Variants in RASA2 observed in about 807,000 individuals in gnomAD.
RASA2 encodes RAS p21 protein activator 2, also known as ras GTPase-activating protein 2.
In RASA2, 155 loss-of-function variants were observed where a neutral mutation model predicts 118.2. The observed-to-expected ratio is 1.31, with a 90% CI of 1.15 to 1.50. The LOEUF (loss-of-function observed/expected upper bound fraction) is 1.50. RASA2 is among the 40% of genes most tolerant of loss of function. RASA2 has a pLI of 0.00. For synonymous variants in RASA2, 353 were observed against 349.1 expected, an observed-to-expected ratio of 1.01 and a Z score of -0.12; for missense variants, 1,016 against 1,009.6, an observed-to-expected ratio of 1.01 and a Z score of -0.09.
chr3:141,584,632 G>C (rs1482807839), intron 17 of RASA2, among the ~76,000 whole-genome samples: 1 of 152,142 alleles, frequency 6.6e-6, no homozygotes, highest in Admixed American at 6.5e-5. Flanking sequence ...TATGATAGAA[G>C]TTGGCAAACT....
chr3:141,498,476 T>C (rs987801460), intron 1 of RASA2, among the ~76,000 whole-genome samples: 2 of 152,090 alleles, frequency 1.3e-5, no homozygotes, highest in African/African-American at 4.8e-5. Flanking sequence ...CTGGCCTGTT[T>C]TGGGGGTTCA....
At chr3:141,489,449 G>A (rs2151064846) in intron 1 of RASA2, among the ~76,000 whole-genome samples, 1 of 152,308 alleles carries the variant, frequency 6.6e-6, no homozygotes, top group East Asian at 1.9e-4. Flanking sequence ...TGAGATGGTG[G>A]TGGTTCTGAC....
rs139576469 is a variant in RASA2 at position 141,534,741 on chromosome 3, A to G, written c.450+4939A>G. Among the ~76,000 whole-genome samples the G allele has an allele frequency of 3.8e-3, 574 of 152,216 alleles. 4 individuals are homozygous for G. The highest frequency in any genetic ancestry group is 0.013 in the African/African-American group (554 of 41,490). On this transcript the variant is annotated intron_variant, in intron 4 of 23. Coordinates refer to ENST00000286364, the MANE Select transcript of RASA2 (RefSeq NM_006506.5). Reference sequence around the variant, plus strand: ...ATGTAAAAACATAATTCATTATTGCAGGTTGATTTTTTTTAACTTCATTTT... The same window carrying G: ...ATGTAAAAACATAATTCATTATTGCGGGTTGATTTTTTTTAACTTCATTTT...
intron 9 of RASA2, among the ~76,000 whole-genome samples, chr3:141,569,385 A>G (rs1357391976): frequency 1.3e-5 from 2 of 152,154 alleles, no homozygotes; most frequent in Non-Finnish European, 2.9e-5. Context: ...AAGCCCAGCA[A>G]TTCTGAAGTT....
At chr3:141,577,545 C>T (rs954136281) in intron 15 of RASA2, among the ~76,000 whole-genome samples, 3 of 151,884 alleles carry the variant, frequency 2.0e-5, no homozygotes, top group Non-Finnish European at 2.9e-5. Flanking sequence ...AGGCTCTTCT[C>T]TAAGAAAGAA....
chr3:141,504,811 C>T (rs2081839312), intron 1 of RASA2, among the ~76,000 whole-genome samples: 2 of 152,180 alleles, frequency 1.3e-5, no homozygotes, highest in African/African-American at 4.8e-5. Flanking sequence ...CATACCCTTA[C>T]TCCATCTCTT....
chr3:141,581,280 A>G (rs2083110068), intron 17 of RASA2, 103 bp downstream of exon 17: 4 of 916,192 alleles, frequency 4.4e-6, no homozygotes, highest in Non-Finnish European at 5.8e-6. Flanking sequence ...TTAAATAATA[A>G]TGTTTAAACT....
At chr3:141,547,422 G>A (rs1408055932) in intron 5 of RASA2, among the ~76,000 whole-genome samples, 1 of 151,886 alleles carries the variant, frequency 6.6e-6, no homozygotes, top group African/African-American at 2.4e-5. Context: ...TCACTTCTGT[G>A]GTTAATTCCT....
chr3:141,604,973 C>T (rs958648290), intron 19 of RASA2, among the ~76,000 whole-genome samples: 2 of 151,644 alleles, frequency 1.3e-5, no homozygotes, highest in Admixed American at 6.6e-5. Context: ...TGTCTTTTCC[C>T]CTTACTCTTG....
intron 14 of RASA2, among the ~76,000 whole-genome samples, chr3:141,575,863 C>G (rs138710644): frequency 6.6e-6 from 1 of 152,100 alleles, no homozygotes; most frequent in Non-Finnish European, 1.5e-5. Flanking sequence ...GGCACAATCT[C>G]GGCTCACTGC....
Position 141,558,939 on chromosome 3 carries a change from G to A in RASA2, c.738G>A (p.Glu246=), listed in dbSNP as rs2151118205. 1 of 1,606,612 alleles carries A rather than the reference G, an allele frequency of 6.2e-7. No individual in the cohort carries two copies. Among genetic ancestry groups the A allele is most frequent in the South Asian group, 1.1e-5 (1 of 90,662 alleles). ...TRKSQFQVEE[E]DIEKLEIRID... ...AGTCCCAGTTCCAGGTAGAAGAGGAGGACATTGAAAAGCTAGAAATCAGGT... is the reference window on the plus strand; with the variant it reads ...AGTCCCAGTTCCAGGTAGAAGAGGAAGACATTGAAAAGCTAGAAATCAGGT... Residue 246 remains glutamate (E), a synonymous_variant, in exon 8 of 24, where the codon GAG becomes GAA. Coordinates refer to ENST00000286364, the MANE Select transcript of RASA2 (RefSeq NM_006506.5).
chr3:141,579,497 C>G (rs759242605), intron 15 of RASA2: 1 of 152,126 alleles, frequency 6.6e-6, no homozygotes, highest in Non-Finnish European at 1.5e-5. Context: ...CTGGTAAGAT[C>G]CAAAAATAAC....
At chr3:141,532,171 A>T (rs2082269304) in intron 4 of RASA2, among the ~76,000 whole-genome samples, 1 of 152,152 alleles carries the variant, frequency 6.6e-6, no homozygotes, top group African/African-American at 2.4e-5. Context: ...AATAAGGCAA[A>T]TGAAATTCAG....
chr3:141,614,159 G>A lies in RASA2; in HGVS notation c.*1846G>A, dbSNP rs945757180. On this transcript the variant is annotated 3_prime_UTR_variant, in exon 24 of 24. Coordinates refer to ENST00000286364, the MANE Select transcript of RASA2 (RefSeq NM_006506.5). ...TTTTTTTTTAAGGCAAAAGAAATAT[G>A]CATCTAGCATTTCTAATACCAAATC... 3 of 151,530 alleles carry A rather than the reference G, an allele frequency of 2.0e-5. No individual in the cohort carries two copies. The highest frequency in any genetic ancestry group is 4.9e-5 in the African/African-American group (2 of 41,204). The allele number at this position is 151,530 out of a possible 1,614,324, so 9.4% of individuals were successfully genotyped here.
intron 1 of RASA2, among the ~76,000 whole-genome samples, chr3:141,488,686 T>C (rs1392254895): frequency 1.3e-5 from 2 of 152,244 alleles, no homozygotes; most frequent in African/African-American, 4.8e-5. Context: ...TTAAATTTTA[T>C]TTATTTTTTC....
At chr3:141,513,065 GA>G (rs771710205) in intron 2 of RASA2, among the ~76,000 whole-genome samples, 7,763 of 110,590 alleles carry the variant, frequency 0.07, 276 homozygotes, top group Non-Finnish European at 0.098. Flanking sequence ...CTCCATCTCA[GA>G]AAAAAAAAAA....
intron 9 of RASA2, among the ~76,000 whole-genome samples, chr3:141,560,967 G>A (rs1007568806): frequency 1.3e-5 from 2 of 152,064 alleles, no homozygotes; most frequent in African/African-American, 4.8e-5. Context: ...GACTGATATG[G>A]AGACTCTCAA....
chr3:141,605,349 A>G (rs2083531002), intron 19 of RASA2, among the ~76,000 whole-genome samples: 1 of 151,996 alleles, frequency 6.6e-6, no homozygotes, highest in Non-Finnish European at 1.5e-5. Context: ...CTTGTACTGT[A>G]TTTTTGGAAA....
intron 1 of RASA2, among the ~76,000 whole-genome samples, chr3:141,495,391 A>G (rs1283234814): frequency 6.6e-6 from 1 of 152,238 alleles, no homozygotes; most frequent in Admixed American, 6.5e-5. Context: ...GATTATATAA[A>G]TAATTCATAC....
Sources: allele counts gnomAD v4.1 joint callset (sites outside exome capture counted in the v4.1 genomes callset), GRCh38; gene constraint gnomAD v4.1.1; transcripts MANE v1.5; gene names NCBI Gene and HGNC (gene_info 2026-07-23, HGNC 2026-07-21).